The following SSTR5 variants were observed in gnomAD, a reference collection of about 807,000 sequenced individuals.
SSTR5 encodes the protein somatostatin receptor type 5.
Under a neutral mutation model 0.3 loss-of-function variants are expected in SSTR5, and 1 was observed. The ratio of observed to expected loss-of-function variants is 2.98; its 90% CI spans 1.06 to 14.15. The LOEUF (loss-of-function observed/expected upper bound fraction) is 14.15, where lower values mean the gene tolerates loss of function less well. Among genes scored for constraint, SSTR5 ranks in the 30% most tolerant of loss-of-function variants. The pLI, the probability that SSTR5 is intolerant of heterozygous loss-of-function variation, is 0.12. For missense variants in SSTR5, 516 were observed against 543.2 expected, an observed-to-expected ratio of 0.95 and a Z score of 0.50; for synonymous variants, 256 against 263.1, an observed-to-expected ratio of 0.97 and a Z score of 0.26.
chr16:1,073,723 G>C (rs1356048600), intron 1 of SSTR5: 5 of 152,340 alleles, frequency 3.3e-5, no homozygotes, highest in Admixed American at 3.3e-4. Context: ...GGGCAAGAGA[G>C]CGGAGTGCAT....
At chr16:1,077,722 G>C (rs1960242186) in intron 1 of SSTR5, 1 of 152,258 alleles carries the variant, frequency 6.6e-6, no homozygotes, top group Non-Finnish European at 1.5e-5. Context: ...ACTGCACCCA[G>C]CCGGAGTATC....
intron 1 of SSTR5, among the ~76,000 whole-genome samples, chr16:1,075,507 C>T (rs1037703288): frequency 4.6e-5 from 7 of 152,144 alleles, no homozygotes; most frequent in East Asian, 1.9e-4. Flanking sequence ...GGGAACCACA[C>T]GTGCTGGGGA....
chr16:1,075,895 C>T (rs1280447032), intron 1 of SSTR5, among the ~76,000 whole-genome samples: 2 of 84,196 alleles, frequency 2.4e-5, no homozygotes, highest in African/African-American at 4.7e-5. Flanking sequence ...GTCTCTCTCT[C>T]TCCCCCCCCA....
intron 1 of SSTR5, among the ~76,000 whole-genome samples, chr16:1,073,808 G>A (rs920139194): frequency 2.0e-5 from 3 of 152,240 alleles, no homozygotes; most frequent in Non-Finnish European, 2.9e-5. Flanking sequence ...TATGTAGGTG[G>A]GGACTGCCAG....
Position 1,074,364 on chromosome 16 carries a change from G to A in SSTR5, c.-28+1542G>A, listed in dbSNP as rs574424290. On this transcript the variant is annotated intron_variant, in intron 1 of 1. Coordinates refer to ENST00000689027, the MANE Select transcript of SSTR5 (RefSeq NM_001172560.3). Reference sequence around the variant, plus strand: ...GCTGCCTCCCCGAGCAGCAGGTTCCGCAGCCCCTCCAAGCTGCAGCCGCAT... The same window carrying A: ...GCTGCCTCCCCGAGCAGCAGGTTCCACAGCCCCTCCAAGCTGCAGCCGCAT... Among the ~76,000 whole-genome samples the A allele has an allele frequency of 1.6e-3, 243 of 152,322 alleles. 1 individual carries two copies. Among genetic ancestry groups the A allele is most frequent in the African/African-American group, 5.1e-3 (214 of 41,572 alleles).
intron 1 of SSTR5, among the ~76,000 whole-genome samples, chr16:1,077,132 G>A (rs1313664425): frequency 1.3e-5 from 2 of 152,178 alleles, no homozygotes; most frequent in African/African-American, 4.8e-5. Flanking sequence ...CAGCCCCACA[G>A]CCCCCAGCCA....
At position 1,076,686 on chromosome 16, in the gene SSTR5, C is replaced by T. The variant is rs538829390; in HGVS notation, c.-27-2156C>T. Among the ~76,000 whole-genome samples the T allele has an allele frequency of 2.8e-4, 42 of 152,076 alleles. No homozygotes were observed. In the South Asian group the frequency reaches 6.0e-3, roughly 22 times the overall value. Reference sequence around the variant, plus strand: ...CCATTCACCAATTCTCTCTTCAGTGCTGTCCACACTGGAGTTGGTTCTGAC... The same window carrying T: ...CCATTCACCAATTCTCTCTTCAGTGTTGTCCACACTGGAGTTGGTTCTGAC... On this transcript the variant is annotated intron_variant, in intron 1 of 1. Transcript: ENST00000689027.
chr16:1,075,577 A>C (rs1021257854), intron 1 of SSTR5, among the ~76,000 whole-genome samples: 1 of 151,754 alleles, frequency 6.6e-6, no homozygotes, highest in Non-Finnish European at 1.5e-5. Context: ...CTGTCCCACC[A>C]TCGGTGGCTC....
In SSTR5 at chr16:1,080,322, G is replaced by A. The variant is rs12920283; in HGVS notation, c.*359G>A. On this transcript the variant is annotated 3_prime_UTR_variant, in exon 2 of 2. Coordinates refer to ENST00000689027, the MANE Select transcript of SSTR5 (RefSeq NM_001172560.3). ...TTTCCAGAAGGCCGGCCAGGCGAGA[G>A]GGTCTTCCTGACGGCGGAGCTGACC... 8.5e-5 allele frequency among the ~76,000 whole-genome samples: 13 copies of A among 152,364 alleles called. No individual in the cohort carries two copies. In the East Asian group the frequency reaches 1.7e-3, roughly 20 times the overall value.
At position 1,079,042 on chromosome 16, in the gene SSTR5, C is replaced by A; in HGVS notation, c.174C>A (p.Asn58Lys). Residue 58 changes from asparagine (N) to lysine (K), a missense_variant, in exon 2 of 2, where the codon AAC becomes AAA. Coordinates refer to ENST00000689027, the MANE Select transcript of SSTR5 (RefSeq NM_001172560.3). ...LLVCAAGLGG[N>K]TLVIYVVLRF... Reference sequence around the variant, plus strand: ...TGTGTGCGGCCGGGCTGGGCGGGAACACGCTGGTCATCTACGTGGTGCTGC... The same window carrying A: ...TGTGTGCGGCCGGGCTGGGCGGGAAAACGCTGGTCATCTACGTGGTGCTGC... 1 of 1,611,306 alleles carries A rather than the reference C, an allele frequency of 6.2e-7. No individual in the cohort carries two copies. The highest frequency in any genetic ancestry group is 8.5e-7 in the Non-Finnish European group (1 of 1,179,428).
Position 1,080,038 on chromosome 16 carries a change from G to C in SSTR5, c.*75G>C, listed in dbSNP as rs1319811249. Reference sequence around the variant, plus strand: ...TTGCACTGCGGTGACCCCCACCCATGACCTGCCAGTCAGGATGCTCCCCGG... The same window carrying C: ...TTGCACTGCGGTGACCCCCACCCATCACCTGCCAGTCAGGATGCTCCCCGG... On this transcript the variant is annotated 3_prime_UTR_variant, in exon 2 of 2. Transcript: ENST00000689027. The C allele has an allele frequency of 6.8e-7, 1 of 1,476,538 alleles. No homozygotes were observed. Among genetic ancestry groups the C allele is most frequent in the African/African-American group, 1.4e-5 (1 of 70,940 alleles). 91.5% of individuals were successfully genotyped at this position (1,476,538 alleles called of 1,614,324 possible). A position where few individuals can be genotyped will look rare whatever the true frequency, so the allele number is the denominator to read the frequency against.
At chr16:1,078,679 A>G (rs1421298156) in intron 1 of SSTR5, 163 bp from the exon 2 acceptor site, 2 of 700,638 alleles carry the variant, frequency 2.9e-6, no homozygotes. Flanking sequence ...TTTCCAAACA[A>G]TTTGCTTAAC....
chr16:1,076,107 TCCCTCCCTCTCTCC>T, intron 1 of SSTR5, among the ~76,000 whole-genome samples: 1 of 18,628 alleles, frequency 5.4e-5, no homozygotes, highest in East Asian at 2.5e-3. Flanking sequence ...CCCCTCCCTC[TCCCTCCCTCTCTCC>T]CTCTCTCCTC....
intron 1 of SSTR5, chr16:1,078,513 C>T (rs1019870534): frequency 5.8e-5 from 21 of 363,334 alleles, no homozygotes; most frequent in Admixed American, 1.3e-4. Context: ...TTCAGGGAGA[C>T]GCAGGTGCTG....
Position 1,078,995 on chromosome 16 carries a change from G to C in SSTR5, c.127G>C (p.Val43Leu), listed in dbSNP as rs1230525468. ...APSAGARAVL[V>L]PVLYLLVCAA... is the part of the protein sequence containing the mutation. ...CTCGGCAGGGGCCCGGGCGGTGCTG[G>C]TGCCCGTGCTGTACCTGCTGGTGTG... The change falls in exon 2 of 2, where the codon GTG becomes CTG. Residue 43 changes from valine to leucine, a missense_variant. Physicochemically the swap from Val to Leu is conservative, Grantham distance 32. Coordinates refer to ENST00000689027, the MANE Select transcript of SSTR5 (RefSeq NM_001172560.3). 4 of 1,594,330 alleles carry C rather than the reference G, an allele frequency of 2.5e-6. No homozygotes were observed. In the African/African-American group the frequency reaches 5.4e-5, roughly 21 times the overall value.
chr16:1,074,143 C>A (rs997956814), intron 1 of SSTR5, among the ~76,000 whole-genome samples: 3 of 152,182 alleles, frequency 2.0e-5, no homozygotes, highest in African/African-American at 7.2e-5. Flanking sequence ...ACCAGGCCAC[C>A]CTTACGACAG....
At chr16:1,075,338 T>C (rs1392092087) in intron 1 of SSTR5, among the ~76,000 whole-genome samples, 1 of 152,122 alleles carries the variant, frequency 6.6e-6, no homozygotes, top group African/African-American at 2.4e-5. Context: ...CTGAGGCTCC[T>C]CTGAAGCTAA....
In SSTR5 at chr16:1,080,461, C is replaced by T. The variant is rs573461449; in HGVS notation, c.*498C>T. ...TGACTCAGGTCCCCGGAGTCCCTGG[C>T]CAGGGCCCCAGCCCCTCGCTTGCCC... On this transcript the variant is annotated 3_prime_UTR_variant, in exon 2 of 2. Coordinates refer to ENST00000689027, the MANE Select transcript of SSTR5 (RefSeq NM_001172560.3). 3.3e-5 allele frequency among the ~76,000 whole-genome samples: 5 copies of T among 152,322 alleles called. No homozygotes were observed. Among genetic ancestry groups the T allele is most frequent in the Admixed American group, 3.3e-4 (5 of 15,306 alleles).
chr16:1,078,281 T>TGA lies in SSTR5; in HGVS notation c.-27-560_-27-559dup, dbSNP rs577928966. The TGA allele has an allele frequency of 1.7e-3, 269 of 157,216 alleles. 2 individuals carry two copies. The highest frequency in any genetic ancestry group is 6.1e-3 in the African/African-American group (253 of 41,548). 9.7% of individuals were successfully genotyped at this position (157,216 alleles called of 1,614,324 possible). A position where few individuals can be genotyped will look rare whatever the true frequency, so the allele number is the denominator to read the frequency against. ...GGCCAACGGGCAGCGGGCACCCCGGTGAAAGTCCCTCGAGGCTGCGGTGGC... is the reference window on the plus strand; with the variant it reads ...GGCCAACGGGCAGCGGGCACCCCGGTGAGAAAGTCCCTCGAGGCTGCGGTGGC... On this transcript the variant is annotated intron_variant, in intron 1 of 1. Transcript: ENST00000689027.
Sources: allele counts gnomAD v4.1 joint callset (sites outside exome capture counted in the v4.1 genomes callset), GRCh38; gene constraint gnomAD v4.1.1; transcripts MANE v1.5; gene names NCBI Gene and HGNC (gene_info 2026-07-23, HGNC 2026-07-21).